The following ITPR2 variants were observed in gnomAD, a reference collection of about 807,000 sequenced individuals.
ITPR2 encodes inositol 1,4,5-trisphosphate receptor type 2, also known as inositol 1,4,5-trisphosphate-gated calcium channel ITPR2.
A neutral mutation model predicts 317.1 loss-of-function variants in ITPR2; 207 were observed. The observed-to-expected ratio is 0.65, with a 90% CI of 0.58 to 0.73. ITPR2 has a LOEUF of 0.73. ITPR2 is among the 30% of genes least tolerant of loss of function. The probability of loss-of-function intolerance (pLI) is 0.00; values close to 1 mark genes in which losing one functional copy is unlikely to be tolerated. For synonymous variants in ITPR2, 1,156 were observed against 1,149.1 expected (o/e 1.01, Z -0.12); for missense variants, 2,613 against 3,284.0 (o/e 0.80, Z 4.99).
intron 2 of ITPR2, among the ~76,000 whole-genome samples, chr12:26,748,839 G>A (rs933959197): frequency 2.0e-5 from 3 of 152,188 alleles, no homozygotes; most frequent in African/African-American, 7.2e-5. Context: ...TCAGTACAAA[G>A]ATGTCTAGCA....
chr12:26,341,261 C>T lies in ITPR2; in HGVS notation c.7858-933G>A, dbSNP rs1011305. Among the ~76,000 whole-genome samples, 2,499 of 152,318 alleles carry T rather than the reference C, an allele frequency of 0.016. 145 individuals carry two copies. In the East Asian group the frequency reaches 0.17, roughly 10 times the overall value. Reference sequence around the variant, plus strand: ...TGCAGCATTGATGGGGTGTGCCAGTCTTTGTCTCTGTCTACTCACCTATTT... The same window carrying T: ...TGCAGCATTGATGGGGTGTGCCAGTTTTTGTCTCTGTCTACTCACCTATTT... On this transcript the variant is annotated intron_variant, in intron 55 of 56. Transcript: ENST00000381340.
At chr12:26,567,722 A>G (rs1418829377) in intron 34 of ITPR2, among the ~76,000 whole-genome samples, 1 of 151,766 alleles carries the variant, frequency 6.6e-6, no homozygotes, top group Non-Finnish European at 1.5e-5. Context: ...TAGTATAAAT[A>G]CTAATCCAAA....
At position 26,579,862 on chromosome 12, in the gene ITPR2, TTAAAG is replaced by T. The variant is rs1171170246; in HGVS notation, c.4509+160_4509+164del. ...CAATTTAAAGATGAGGTCTCTTTAT[TTAAAG>T]TAAAGTTTGGTAAACTCAGAAAGAG... On this transcript the variant is annotated intron_variant, in intron 33 of 56. Transcript: ENST00000381340. 3.9e-5 allele frequency among the ~76,000 whole-genome samples: 6 copies of T among 152,140 alleles called. No individual in the cohort carries two copies. In the East Asian group the frequency reaches 5.8e-4, roughly 15 times the overall value.
chr12:26,828,306 T>C (rs1253515660), intron 1 of ITPR2, among the ~76,000 whole-genome samples: 3 of 152,184 alleles, frequency 2.0e-5, no homozygotes, highest in South Asian at 4.1e-4. Flanking sequence ...TTCATAGCCC[T>C]AAAACCAACT....
intron 2 of ITPR2, among the ~76,000 whole-genome samples, chr12:26,763,295 C>T (rs1592105432): frequency 6.6e-6 from 1 of 151,712 alleles, no homozygotes; most frequent in African/African-American, 2.4e-5. Context: ...AAAATTAAAC[C>T]TACCAGTTCA....
At chr12:26,772,491 C>CATGTATTGTATATATAATAT (rs3064583) in intron 2 of ITPR2, among the ~76,000 whole-genome samples, 1 of 100,506 alleles carries the variant, frequency 9.9e-6, no homozygotes, top group Non-Finnish European at 2.1e-5. Context: ...ATATATAATA[C>CATGTATTGTATATATAATAT]ATATAATACA....
chr12:26,773,981 ATTTTTTTTTTTTT>A (rs34106132), intron 2 of ITPR2, among the ~76,000 whole-genome samples: 3 of 91,392 alleles, frequency 3.3e-5, no homozygotes, highest in Non-Finnish European at 6.4e-5. Flanking sequence ...CAACTGGAGA[ATTTTTTTTTTTTT>A]TTTTTTTTTT....
chr12:26,587,383 T>C (rs1945557105), intron 32 of ITPR2, among the ~76,000 whole-genome samples: 1 of 152,028 alleles, frequency 6.6e-6, no homozygotes, highest in Non-Finnish European at 1.5e-5. Context: ...TGTTATTTTA[T>C]ATAGGGTGGT....
chr12:26,604,960 T>C (rs1946087948), intron 26 of ITPR2, among the ~76,000 whole-genome samples: 1 of 151,660 alleles, frequency 6.6e-6, no homozygotes, highest in Admixed American at 6.6e-5. Context: ...TGGTGGTGGA[T>C]GCCTGTAATC....
intron 55 of ITPR2, among the ~76,000 whole-genome samples, chr12:26,380,403 T>A (rs898842295): frequency 6.6e-6 from 1 of 152,204 alleles, no homozygotes; most frequent in Non-Finnish European, 1.5e-5. Context: ...TTTTAAAAGA[T>A]CCATCTTAAA....
intron 37 of ITPR2, among the ~76,000 whole-genome samples, chr12:26,541,367 C>T (rs1944256613): frequency 6.6e-6 from 1 of 151,928 alleles, no homozygotes; most frequent in African/African-American, 2.4e-5. Context: ...CCACAATATA[C>T]ATGGGAATGA....
At chr12:26,702,406 G>A (rs1380371931) in intron 9 of ITPR2, among the ~76,000 whole-genome samples, 2 of 100,072 alleles carry the variant, frequency 2.0e-5, no homozygotes, top group Non-Finnish European at 3.9e-5. Context: ...TGGGGGCGGG[G>A]GTGGGGGGTT....
chr12:26,474,659 T>G (rs12308905), intron 45 of ITPR2, among the ~76,000 whole-genome samples: 8,072 of 150,486 alleles, frequency 0.054, 587 homozygotes, highest in African/African-American at 0.17. Context: ...CCGGGCGTAG[T>G]GGCGGGCGCC....
At position 26,714,517 on chromosome 12, in the gene ITPR2, A is replaced by C. The variant is rs371657383; in HGVS notation, c.855+782T>G. ...TATTTATTCTTTATGTTAGAATTTG[A>C]GCATTATACTAATTCTACCTATTAG... On this transcript the variant is annotated intron_variant, in intron 8 of 56. Coordinates refer to ENST00000381340, the MANE Select transcript of ITPR2 (RefSeq NM_002223.4). 7.2e-5 allele frequency among the ~76,000 whole-genome samples: 11 copies of C among 152,268 alleles called. No homozygotes were observed. The South Asian group carries it at 2.1e-3, about 29-fold the overall frequency.
chr12:26,603,623 C>T (rs1274838485), intron 26 of ITPR2, among the ~76,000 whole-genome samples: 1 of 152,192 alleles, frequency 6.6e-6, no homozygotes, highest in Non-Finnish European at 1.5e-5. Context: ...GCAGAATTCA[C>T]TATTCAGAAA....
At chr12:26,749,502 G>C (rs539902622) in intron 2 of ITPR2, among the ~76,000 whole-genome samples, 1 of 152,118 alleles carries the variant, frequency 6.6e-6, no homozygotes, top group Admixed American at 6.5e-5. Flanking sequence ...CTGATTCTAA[G>C]AGAGGAAATA....
At position 26,771,952 on chromosome 12, in the gene ITPR2, G is replaced by A. The variant is rs567568996; in HGVS notation, c.163+18205C>T. Among the ~76,000 whole-genome samples the A allele has an allele frequency of 3.2e-4, 48 of 152,040 alleles. 1 individual carries two copies. Among genetic ancestry groups the A allele is most frequent in the African/African-American group, 1.1e-3 (46 of 41,454 alleles). On this transcript the variant is annotated intron_variant, in intron 2 of 56. Transcript: ENST00000381340. Reference sequence around the variant, plus strand: ...TGCATTAATAGAATATAAAGCAGTTGGAACATTACCTGACATATAGTAAGA... The same window carrying A: ...TGCATTAATAGAATATAAAGCAGTTAGAACATTACCTGACATATAGTAAGA...
chr12:26,526,689 G>C (rs1943816837), intron 37 of ITPR2, among the ~76,000 whole-genome samples: 5 of 152,208 alleles, frequency 3.3e-5, no homozygotes, highest in Admixed American at 3.3e-4. Flanking sequence ...AGGAGGTCAT[G>C]TGGTAGTCCA....
At chr12:26,549,136 A>G (rs1944460846) in intron 37 of ITPR2, among the ~76,000 whole-genome samples, 1 of 152,230 alleles carries the variant, frequency 6.6e-6, no homozygotes, top group Non-Finnish European at 1.5e-5. Context: ...AAAAGTCCCA[A>G]GGAATTCTCT....
Sources: allele counts gnomAD v4.1 joint callset (sites outside exome capture counted in the v4.1 genomes callset), GRCh38; gene constraint gnomAD v4.1.1; transcripts MANE v1.5; gene names NCBI Gene and HGNC (gene_info 2026-07-23, HGNC 2026-07-21).